DZIP3: variants seen among roughly 807,000 people sequenced by gnomAD.
The protein encoded by DZIP3 is E3 ubiquitin-protein ligase DZIP3.
Under a neutral mutation model 162.0 loss-of-function variants are expected in DZIP3, and 118 were observed. That is an observed-to-expected ratio of 0.73 (90% confidence interval 0.63 to 0.85). The LOEUF (loss-of-function observed/expected upper bound fraction) is 0.85. DZIP3 is among the 40% of genes least tolerant of loss of function. DZIP3 has a pLI of 0.00. For missense variants in DZIP3, 1,331 were observed against 1,407.0 expected (o/e 0.95, Z 0.86); for synonymous variants, 438 against 458.6 (o/e 0.96, Z 0.57).
chr3:108,596,223 A>G (rs1308898144), intron 1 of DZIP3, among the ~76,000 whole-genome samples: 2 of 152,174 alleles, frequency 1.3e-5, no homozygotes, highest in African/African-American at 2.4e-5. Context: ...TGTCTGCTCC[A>G]GGCCTGATTT....
intron 15 of DZIP3, 100 bp downstream of exon 15, chr3:108,646,749 G>A (rs1303719736): frequency 1.0e-6 from 1 of 953,944 alleles, no homozygotes; most frequent in Non-Finnish European, 1.5e-6. Flanking sequence ...AACTATAATT[G>A]TGAAGAACTT....
At chr3:108,619,125 C>A (rs1382159288) in intron 5 of DZIP3, among the ~76,000 whole-genome samples, 1 of 145,752 alleles carries the variant, frequency 6.9e-6, no homozygotes, top group Admixed American at 6.9e-5. Flanking sequence ...ATTCTATGTA[C>A]CTAGAAAAAT....
intron 32 of DZIP3, 106 bp downstream of exon 32, chr3:108,691,009 T>A: frequency 4.6e-6 from 4 of 866,274 alleles, no homozygotes; most frequent in Non-Finnish European, 7.0e-6. Flanking sequence ...AGAAGCCAGC[T>A]AATTTTATCA....
intron 19 of DZIP3, among the ~76,000 whole-genome samples, chr3:108,658,356 A>G (rs535001890): frequency 9.2e-5 from 14 of 152,212 alleles, no homozygotes; most frequent in African/African-American, 3.1e-4. Flanking sequence ...CCGCTCAACT[A>G]CATGGAAACT....
intron 22 of DZIP3, among the ~76,000 whole-genome samples, chr3:108,670,884 A>T (rs1943904484): frequency 6.6e-6 from 1 of 151,880 alleles, no homozygotes; most frequent in South Asian, 2.1e-4. Context: ...CTGATTAATT[A>T]TGTTGAGCAT....
At chr3:108,654,052 G>A (rs1256343600) in intron 18 of DZIP3, 93 bp from the exon 19 acceptor site, 3 of 1,355,136 alleles carry the variant, frequency 2.2e-6, no homozygotes, top group Non-Finnish European at 3.0e-6. Context: ...AGCATCTTAT[G>A]AAACCAGTAC....
At chr3:108,648,197 G>C in intron 16 of DZIP3, 85 bp downstream of exon 16, 1 of 1,290,614 alleles carries the variant, frequency 7.7e-7, no homozygotes, top group South Asian at 1.7e-5. Context: ...AAGCATCCCA[G>C]ATAATTTTAG....
chr3:108,672,922 AG>A (rs1341244649), intron 23 of DZIP3, among the ~76,000 whole-genome samples: 1 of 151,958 alleles, frequency 6.6e-6, no homozygotes, highest in African/African-American at 2.4e-5. Context: ...TAGCAAATAC[AG>A]ACATCTTGGG....
chr3:108,642,635 G>C, intron 13 of DZIP3, 121 bp downstream of exon 13: 3 of 1,108,828 alleles, frequency 2.7e-6, no homozygotes, highest in Non-Finnish European at 3.6e-6. Context: ...CTGAGCTTGG[G>C]TTTATACCAG....
At chr3:108,679,346 CT>C (rs1256787859) in intron 26 of DZIP3, among the ~76,000 whole-genome samples, 1 of 152,182 alleles carries the variant, frequency 6.6e-6, no homozygotes, top group African/African-American at 2.4e-5. Flanking sequence ...CCTCCAGATC[CT>C]TTTATCCCTT....
At chr3:108,627,088 A>G (rs1941622177) in intron 7 of DZIP3, among the ~76,000 whole-genome samples, 2 of 152,208 alleles carry the variant, frequency 1.3e-5, no homozygotes, top group South Asian at 2.1e-4. Flanking sequence ...TGCCATCAAT[A>G]TAGTGGGGCT....
chr3:108,633,450 T>A (rs1274136282), intron 9 of DZIP3, among the ~76,000 whole-genome samples: 1 of 152,018 alleles, frequency 6.6e-6, no homozygotes, highest in Admixed American at 6.6e-5. Context: ...GAGAAGGCTG[T>A]CACTCCGCAG....
chr3:108,624,577 C>T, intron 6 of DZIP3, 53 bp downstream of exon 6: 1 of 1,001,402 alleles, frequency 1.0e-6, no homozygotes. Flanking sequence ...TTGGAATAAT[C>T]AGGCCAAAGA....
chr3:108,688,965 T>A (rs754444147), intron 31 of DZIP3, 41 bp downstream of exon 31: 1 of 1,532,740 alleles, frequency 6.5e-7, no homozygotes, highest in Non-Finnish European at 9.0e-7. Context: ...TAAATGAGAT[T>A]CATACTGCCT....
intron 10 of DZIP3, among the ~76,000 whole-genome samples, chr3:108,635,611 CTATA>C (rs1425013138): frequency 7.5e-6 from 1 of 133,716 alleles, no homozygotes; most frequent in Non-Finnish European, 1.7e-5. Flanking sequence ...TTATATATAA[CTATA>C]TAACTTATAT....
At chr3:108,636,760 A>G in intron 11 of DZIP3, 52 bp downstream of exon 11, 1 of 1,345,394 alleles carries the variant, frequency 7.4e-7, no homozygotes. Flanking sequence ...CTTCCTTGGA[A>G]AAATATTTTT....
At chr3:108,682,543 C>T (rs13078064) in intron 26 of DZIP3, among the ~76,000 whole-genome samples, 54,240 of 150,226 alleles carry the variant, frequency 0.36, 10,780 homozygotes, top group East Asian at 0.53. Flanking sequence ...CCTGATCCCA[C>T]GCATGTGGAA....
At chr3:108,677,007 T>G (rs1944134366) in intron 25 of DZIP3, among the ~76,000 whole-genome samples, 1 of 152,094 alleles carries the variant, frequency 6.6e-6, no homozygotes, top group Non-Finnish European at 1.5e-5. Context: ...CAAGCTAGAG[T>G]TACAGATTGT....
chr3:108,644,715 C>T lies in DZIP3; in HGVS notation c.1693C>T (p.Leu565=), dbSNP rs1376795398. The T allele has an allele frequency of 6.2e-7, 1 of 1,612,314 alleles. No homozygotes were observed. The highest frequency in any genetic ancestry group is 8.5e-7 in the Non-Finnish European group (1 of 1,179,816). The change falls in exon 14 of 33, where the codon CTA becomes TTA. Residue 565 remains leucine, a synonymous_variant. Coordinates refer to ENST00000361582, the MANE Select transcript of DZIP3 (RefSeq NM_014648.4). ...IENISLDYHQ[L]SVYLGIPVPE... is the part of the protein sequence containing the mutation. Reference sequence around the variant, plus strand: ...GAATATCTCCCTTGATTACCATCAGCTATCTGTCTACCTAGGCATACCAGT... The same window carrying T: ...GAATATCTCCCTTGATTACCATCAGTTATCTGTCTACCTAGGCATACCAGT...
Sources: gnomAD v4.1 joint callset for allele counts (sites outside exome capture counted in the v4.1 genomes callset) on GRCh38, gnomAD v4.1.1 for gene constraint, MANE v1.5 for transcripts, NCBI Gene and HGNC (gene_info 2026-07-23, HGNC 2026-07-21) for gene names.